The following SEMA3A variants were observed in gnomAD, a reference collection of about 807,000 sequenced individuals.
SEMA3A encodes the protein semaphorin-3A.
A neutral mutation model predicts 97.9 loss-of-function variants in SEMA3A; 29 were observed. The observed-to-expected ratio is 0.30, with a 90% CI of 0.22 to 0.40. The LOEUF (loss-of-function observed/expected upper bound fraction) is 0.40. SEMA3A is among the 10% of genes least tolerant of loss of function. The pLI is 1.00. For missense variants in SEMA3A, 763 were observed against 951.3 expected (o/e 0.80, Z 2.60); for synonymous variants, 321 against 323.7 (o/e 0.99, Z 0.09).
chr7:84,309,428 G>A (rs973959518), intron 2 of SEMA3A, among the ~76,000 whole-genome samples: 3 of 152,076 alleles, frequency 2.0e-5, no homozygotes, highest in Admixed American at 6.5e-5. Context: ...AAGGTCAGTG[G>A]GAGCAGAGAG....
intron 6 of SEMA3A, among the ~76,000 whole-genome samples, chr7:84,039,039 A>G (rs1372182179): frequency 6.6e-6 from 1 of 152,174 alleles, no homozygotes; most frequent in Non-Finnish European, 1.5e-5. Context: ...AAGGAAGACA[A>G]GCATAAATTC....
chr7:84,228,148 A>G lies in SEMA3A; in HGVS notation c.-82-33480T>C, dbSNP rs17158741. Among the ~76,000 whole-genome samples, 1,947 of 152,124 alleles carry G rather than the reference A, an allele frequency of 0.013. 64 individuals are homozygous for G. In the East Asian group the frequency reaches 0.15, roughly 11 times the overall value. On this transcript the variant is annotated intron_variant, in intron 3 of 3. Coordinates refer to the SEMA3A transcript ENST00000424555. ...AAATGGGTGATGAAGCCAGAGTACA[A>G]TGAGCTAGGATGAGATGGTTGGGCC...
At chr7:84,294,026 C>CAAA (rs975913108) in intron 3 of SEMA3A, among the ~76,000 whole-genome samples, 1 of 152,044 alleles carries the variant, frequency 6.6e-6, no homozygotes, top group African/African-American at 2.4e-5. Context: ...ATGGATCTGA[C>CAAA]AAACACTTTC....
intron 1 of SEMA3A, among the ~76,000 whole-genome samples, chr7:84,392,054 A>G (rs1020044297): frequency 1.3e-5 from 2 of 152,136 alleles, no homozygotes; most frequent in African/African-American, 4.8e-5. Context: ...GCATTATTAA[A>G]TCAAGCTAAC....
chr7:84,168,975 T>C (rs1234571420), intron 1 of SEMA3A, among the ~76,000 whole-genome samples: 1 of 151,774 alleles, frequency 6.6e-6, no homozygotes, highest in African/African-American at 2.4e-5. Context: ...TACATTAATG[T>C]CACCTGACAT....
intron 3 of SEMA3A, among the ~76,000 whole-genome samples, chr7:84,219,893 G>A (rs1341375473): frequency 1.3e-5 from 2 of 152,134 alleles, no homozygotes; most frequent in Non-Finnish European, 2.9e-5. Flanking sequence ...TTGACTTAAT[G>A]TTGACGGCTG....
At chr7:84,340,220 G>A (rs996612184) in intron 2 of SEMA3A, among the ~76,000 whole-genome samples, 1 of 152,062 alleles carries the variant, frequency 6.6e-6, no homozygotes, top group African/African-American at 2.4e-5. Flanking sequence ...ATTTGAGAAG[G>A]TGACATTTTC....
At chr7:84,315,588 T>C (rs1388737227) in intron 2 of SEMA3A, among the ~76,000 whole-genome samples, 2 of 152,128 alleles carry the variant, frequency 1.3e-5, no homozygotes, top group Admixed American at 6.6e-5. Flanking sequence ...TCAGATTTCA[T>C]CCTCTCTTAA....
chr7:84,375,076 G>A (rs1245252573), intron 1 of SEMA3A, among the ~76,000 whole-genome samples: 1 of 152,114 alleles, frequency 6.6e-6, no homozygotes, highest in Non-Finnish European at 1.5e-5. Context: ...CTAGAGTATA[G>A]TGGTGCCATC....
intron 3 of SEMA3A, among the ~76,000 whole-genome samples, chr7:84,212,688 T>C (rs1224250080): frequency 1.3e-5 from 1 of 75,740 alleles, no homozygotes; most frequent in East Asian, 5.3e-4. Context: ...TATTTCCTTT[T>C]TAACCTTCCA....
At chr7:84,222,212 T>C (rs1195362787) in intron 3 of SEMA3A, among the ~76,000 whole-genome samples, 1 of 151,962 alleles carries the variant, frequency 6.6e-6, no homozygotes, top group Non-Finnish European at 1.5e-5. Context: ...TGAATTAAAA[T>C]ATAAAGGGAA....
chr7:84,044,138 T>C (rs1031176449), intron 6 of SEMA3A, among the ~76,000 whole-genome samples: 2 of 151,696 alleles, frequency 1.3e-5, no homozygotes, highest in Admixed American at 1.3e-4. Flanking sequence ...ACACAAATAT[T>C]TCAGTTTGAG....
At chr7:84,401,992 A>G (rs897618973) in intron 1 of SEMA3A, among the ~76,000 whole-genome samples, 2 of 152,190 alleles carry the variant, frequency 1.3e-5, no homozygotes, top group Admixed American at 6.5e-5. Context: ...GCAAAAATTG[A>G]CAAATGGGAT....
intron 1 of SEMA3A, among the ~76,000 whole-genome samples, chr7:84,409,796 A>G (rs1804209718): frequency 6.6e-6 from 1 of 152,100 alleles, no homozygotes; most frequent in African/African-American, 2.4e-5. Context: ...TGATTTCTGG[A>G]AACAGTTATT....
At chr7:84,420,327 A>G (rs1377420994) in intron 1 of SEMA3A, among the ~76,000 whole-genome samples, 1 of 152,124 alleles carries the variant, frequency 6.6e-6, no homozygotes, top group Non-Finnish European at 1.5e-5. Context: ...GAAACCAGGA[A>G]AATGATGGAT....
chr7:84,178,006 CA>C (rs1338827210), intron 1 of SEMA3A, among the ~76,000 whole-genome samples: 1 of 152,114 alleles, frequency 6.6e-6, no homozygotes, highest in African/African-American at 2.4e-5. Context: ...GAAAGTCACA[CA>C]CAACAATTAC....
intron 4 of SEMA3A, among the ~76,000 whole-genome samples, chr7:84,084,373 G>A (rs1193925483): frequency 2.6e-5 from 4 of 151,690 alleles, no homozygotes; most frequent in Admixed American, 1.3e-4. Flanking sequence ...AAATAATTAC[G>A]AAATATAGCA....
chr7:84,084,881 T>A (rs948311714), intron 4 of SEMA3A, among the ~76,000 whole-genome samples: 1 of 152,120 alleles, frequency 6.6e-6, no homozygotes, highest in Non-Finnish European at 1.5e-5. Flanking sequence ...CTAGCTCTTG[T>A]TTATTTGAAG....
chr7:84,151,188 C>T (rs1796654705), intron 1 of SEMA3A, among the ~76,000 whole-genome samples: 2 of 151,950 alleles, frequency 1.3e-5, no homozygotes, highest in South Asian at 2.1e-4. Flanking sequence ...AGCGCCTCTC[C>T]TCCTCCAAAG....
Sources: allele counts gnomAD v4.1 joint callset (sites outside exome capture counted in the v4.1 genomes callset), GRCh38; gene constraint gnomAD v4.1.1; transcripts MANE v1.5; gene names NCBI Gene and HGNC (gene_info 2026-07-23, HGNC 2026-07-21).